The following DRC8 variants were observed in gnomAD, a reference collection of about 807,000 sequenced individuals.
DRC8 encodes the protein dynein regulatory complex protein 8.
chr1:245,033,684 TG>T, the DRC8 span, among the ~76,000 whole-genome samples: 2 of 152,186 alleles, frequency 1.3e-5, no homozygotes, highest in African/African-American at 4.8e-5. Context: ...GATTGTCTTT[TG>T]TTTTCTTTTC....
At chr1:244,981,597 G>A in the DRC8 span, among the ~76,000 whole-genome samples, 7 of 152,174 alleles carry the variant, frequency 4.6e-5, no homozygotes, top group African/African-American at 9.7e-5. Context: ...AAAGGTAAGC[G>A]CTTGGAAGTC....
At chr1:245,075,272 G>A in the DRC8 span, among the ~76,000 whole-genome samples, 1 of 152,174 alleles carries the variant, frequency 6.6e-6, no homozygotes, top group East Asian at 1.9e-4. Context: ...CCCTCAGATA[G>A]GCACTTAACC....
chr1:244,999,534 A>G, the DRC8 span, among the ~76,000 whole-genome samples: 1,293 of 152,344 alleles, frequency 8.5e-3, 8 homozygotes, highest in Non-Finnish European at 0.015. Flanking sequence ...ATTTATTAAT[A>G]TTCCTTTTTT....
At chr1:244,972,643 C>G in the DRC8 span, among the ~76,000 whole-genome samples, 2 of 152,102 alleles carry the variant, frequency 1.3e-5, no homozygotes, top group African/African-American at 4.8e-5. Flanking sequence ...ACATGGTGAA[C>G]CCCGTCTCTA....
At chr1:245,016,283 G>T in the DRC8 span, among the ~76,000 whole-genome samples, 1 of 152,018 alleles carries the variant, frequency 6.6e-6, no homozygotes, top group Non-Finnish European at 1.5e-5. Context: ...ACCTAGCCAA[G>T]GCCTCTTTAC....
chr1:245,027,354 G>A, the DRC8 span, among the ~76,000 whole-genome samples: 1 of 151,882 alleles, frequency 6.6e-6, no homozygotes, highest in Admixed American at 6.6e-5. Flanking sequence ...GGAAGAAGGA[G>A]GAAAGGAAAG....
chr1:245,010,904 ATCT>A, the DRC8 span, among the ~76,000 whole-genome samples: 124 of 151,840 alleles, frequency 8.2e-4, no homozygotes, highest in African/African-American at 2.9e-3. Flanking sequence ...GATGGTCTCG[ATCT>A]TCTAACCTCT....
the DRC8 span, among the ~76,000 whole-genome samples, chr1:245,041,046 T>C: frequency 6.6e-6 from 1 of 152,070 alleles, no homozygotes; most frequent in East Asian, 1.9e-4. Context: ...CATTAGAGAA[T>C]TGGGGTGTGT....
chr1:244,999,674 G>A, the DRC8 span, among the ~76,000 whole-genome samples: 1 of 152,174 alleles, frequency 6.6e-6, no homozygotes, highest in African/African-American at 2.4e-5. Flanking sequence ...TGTAATTATA[G>A]TAGTTCCTTA....
At chr1:245,062,646 T>C in the DRC8 span, among the ~76,000 whole-genome samples, 1 of 152,202 alleles carries the variant, frequency 6.6e-6, no homozygotes, top group African/African-American at 2.4e-5. Context: ...TTTGTCAGAT[T>C]ATTGACTCAG....
the DRC8 span, among the ~76,000 whole-genome samples, chr1:245,026,100 A>G: frequency 6.6e-6 from 1 of 152,188 alleles, no homozygotes; most frequent in Admixed American, 6.5e-5. Context: ...TAATCTTTAG[A>G]CAAATTTTGC....
chr1:245,100,429 A>G, the DRC8 span, among the ~76,000 whole-genome samples: 2 of 143,966 alleles, frequency 1.4e-5, no homozygotes, highest in Non-Finnish European at 1.5e-5. Context: ...TAATGTTATC[A>G]TATATCCAGT....
At chr1:244,970,410 C>T in the DRC8 span, 1 of 1,538,956 alleles carries the variant, frequency 6.5e-7, no homozygotes, top group Non-Finnish European at 8.7e-7. Flanking sequence ...CGACCGGCTC[C>T]GCAGCAAGAT....
At chr1:245,081,173 A>G in the DRC8 span, among the ~76,000 whole-genome samples, 1 of 149,124 alleles carries the variant, frequency 6.7e-6, no homozygotes, top group Non-Finnish European at 1.5e-5. Context: ...ATATATATAT[A>G]TTTTTTGAGA....
the DRC8 span, among the ~76,000 whole-genome samples, chr1:245,067,041 A>C: frequency 2.6e-5 from 4 of 152,218 alleles, no homozygotes; most frequent in Non-Finnish European, 5.9e-5. Context: ...TCACATTATA[A>C]ATTTAACTTT....
chr1:245,071,435 T>G, the DRC8 span, among the ~76,000 whole-genome samples: 138,301 of 152,218 alleles, frequency 0.91, 64,356 homozygotes, highest in East Asian at 1. Context: ...GATGAGGTAT[T>G]GGAATCCGGA....
the DRC8 span, chr1:245,087,113 C>G: frequency 1.5e-6 from 2 of 1,345,734 alleles, no homozygotes; most frequent in Non-Finnish European, 2.0e-6. Context: ...TGTCCTGGCT[C>G]TACAGCTCCA....
the DRC8 span, among the ~76,000 whole-genome samples, chr1:245,119,838 C>T: frequency 5.3e-5 from 8 of 151,802 alleles, no homozygotes; most frequent in Non-Finnish European, 1.0e-4. Flanking sequence ...GAGGCTGAGG[C>T]AGGAGAATGG....
At chr1:245,110,467 A>T in the DRC8 span, among the ~76,000 whole-genome samples, 2 of 152,246 alleles carry the variant, frequency 1.3e-5, no homozygotes, top group African/African-American at 2.4e-5. Context: ...ATGCACACAA[A>T]TACTGAAGAA....
Sources: gnomAD v4.1 joint callset for allele counts (sites outside exome capture counted in the v4.1 genomes callset) on GRCh38, gnomAD v4.1.1 for gene constraint, MANE v1.5 for transcripts, NCBI Gene and HGNC (gene_info 2026-07-23, HGNC 2026-07-21) for gene names.